The following DNM1 variants were observed in gnomAD, a reference collection of about 807,000 sequenced individuals.
DNM1 encodes dynamin-1.
DNM1 carries 29 observed loss-of-function variants against 104.6 expected under a neutral mutation model. The ratio of observed to expected loss-of-function variants is 0.28; its 90% CI spans 0.21 to 0.38. The LOEUF (loss-of-function observed/expected upper bound fraction) is 0.38, where lower values mean the gene tolerates loss of function less well. DNM1 is among the 10% of genes least tolerant of loss of function. DNM1 has a pLI of 1.00. For synonymous variants in DNM1, 445 were observed against 475.8 expected, an observed-to-expected ratio of 0.94 and a Z score of 0.84; for missense variants, 640 against 1,189.4, an observed-to-expected ratio of 0.54 and a Z score of 6.79.
rs1256508619 is a variant in DNM1 at position 128,244,122 on chromosome 9, A to G, written c.1671+1777A>G. Among the ~76,000 whole-genome samples the G allele has an allele frequency of 2.7e-5, 4 of 146,056 alleles. No individual in the cohort carries two copies. In the East Asian group the frequency reaches 6.0e-4, roughly 22 times the overall value. ...GGGCACCTGCCTGTGCTTGGGGTGT[A>G]AAAGCAGGTGTGTGTGGGGAGGGGG... On this transcript the variant is annotated intron_variant, in intron 15 of 21. Transcript: ENST00000372923.
chr9:128,247,914 G>A lies in DNM1; in HGVS notation c.1894-10G>A, dbSNP rs1836927732. The A allele has an allele frequency of 6.2e-7, 1 of 1,613,404 alleles. No individual in the cohort carries two copies. Among genetic ancestry groups the A allele is most frequent in the Admixed American group, 1.7e-5 (1 of 59,946 alleles). ...GCGGCGGTGGCAATGTTGGTGTGTG[G>A]GCCTCCCAGGACAAAGAGAAAGTGA... On this transcript the variant is annotated splice_polypyrimidine_tract_variant and intron_variant, in intron 17 of 21. Transcript: ENST00000372923. This position sits in a 1 kb window ranked among gnomAD's most constrained non-coding sequence, Gnocchi z 5.1.
intron 10 of DNM1, among the ~76,000 whole-genome samples, chr9:128,230,496 G>A (rs1203732102): frequency 6.6e-6 from 1 of 150,558 alleles, no homozygotes; most frequent in African/African-American, 2.4e-5. Flanking sequence ...TGTTGCCCAG[G>A]CTGGAGTGCA....
intron 10 of DNM1, among the ~76,000 whole-genome samples, chr9:128,230,885 C>T (rs1366579565): frequency 1.3e-5 from 2 of 152,152 alleles, no homozygotes; most frequent in African/African-American, 4.8e-5. Context: ...TCACTGCAAC[C>T]TCTGCCTCCT....
rs903325726 is a variant in DNM1 at position 128,242,140 on chromosome 9, GGT to G, written c.1558-90_1558-89del. ...CCAGGCCTCAGAGAGCTGGGAGAGGGGTGGGGTTTCGAATGCCTCTCTTTGCC... is the reference window on the plus strand; with the variant it reads ...CCAGGCCTCAGAGAGCTGGGAGAGGGGGGGTTTCGAATGCCTCTCTTTGCC... On this transcript the variant is annotated intron_variant, in intron 14 of 21. Transcript: ENST00000372923. The G allele has an allele frequency of 4.0e-6, 3 of 742,194 alleles. No individual in the cohort carries two copies. In the African/African-American group the frequency reaches 5.2e-5, roughly 13 times the overall value. 46.0% of individuals were successfully genotyped at this position (742,194 alleles called of 1,614,324 possible).
chr9:128,246,050 C>T (rs933195335), intron 15 of DNM1, among the ~76,000 whole-genome samples: 3 of 152,184 alleles, frequency 2.0e-5, no homozygotes, highest in Non-Finnish European at 4.4e-5. Context: ...GCGGCCAGGC[C>T]GGGGGTGAGA....
rs541942261 is a variant in DNM1 at position 128,203,723 on chromosome 9, C to A, written c.161+92C>A. 1 of 1,212,444 alleles carries A rather than the reference C, an allele frequency of 8.2e-7. No homozygotes were observed. The highest frequency in any genetic ancestry group is 1.0e-6 in the Non-Finnish European group (1 of 958,960). 75.1% of individuals were successfully genotyped at this position (1,212,444 alleles called of 1,614,324 possible). A position where few individuals can be genotyped will look rare whatever the true frequency, so the allele number is the denominator to read the frequency against. On this transcript the variant is annotated intron_variant, in intron 1 of 21. Transcript: ENST00000372923. The surrounding 1 kb of genome is among the most constrained non-coding windows in gnomAD (Gnocchi z 5.3). The stretch of plus-strand genomic sequence containing the variant: ...CACTGACGGCGCGGCGACCTCGCAG[C>A]CCCCGACGCTGCACCCGCGGCCGGC...
chr9:128,252,954 G>A, intron 21 of DNM1: 2 of 764,436 alleles, frequency 2.6e-6, no homozygotes, highest in Non-Finnish European at 4.6e-6. Context: ...TTGTTTGTGG[G>A]CATGTGTGTT....
chr9:128,246,051 G>C (rs572533932), intron 15 of DNM1, among the ~76,000 whole-genome samples: 4 of 152,218 alleles, frequency 2.6e-5, no homozygotes, highest in African/African-American at 9.6e-5. Flanking sequence ...CGGCCAGGCC[G>C]GGGGTGAGAG....
intron 9 of DNM1, chr9:128,223,246 G>A (rs3003610): frequency 0.46 from 97,277 of 211,590 alleles, 26,155 homozygotes; most frequent in Admixed American, 0.61. Flanking sequence ...TTTTATGACG[G>A]CCGGGGACTT....
Position 128,222,709 on chromosome 9 carries a change from C to G in DNM1, c.1129-84C>G, listed in dbSNP as rs887270109. 1 of 1,601,126 alleles carries G rather than the reference C, an allele frequency of 6.2e-7. No homozygotes were observed. The highest frequency in any genetic ancestry group is 1.7e-5 in the Admixed American group (1 of 59,718). On this transcript the variant is annotated intron_variant, in intron 8 of 21. Transcript: ENST00000372923. The surrounding 1 kb of genome is among the most constrained non-coding windows in gnomAD (Gnocchi z 7.8). ...CCACCCCACAGGCCCTGATGCCCAGCCCTAGGTGTGGGGTGGGCCCTGTCT... is the reference window on the plus strand; with the variant it reads ...CCACCCCACAGGCCCTGATGCCCAGGCCTAGGTGTGGGGTGGGCCCTGTCT...
Position 128,254,596 on chromosome 9 carries a change from C to T in DNM1, c.2535-58C>T. ...CCGGCCGTGTGCTGCGCTTGCCTTA[C>T]CAGCTCTCTCCTCGCTTTTCTCTCC... On this transcript the variant is annotated intron_variant, in intron 21 of 21. Coordinates refer to ENST00000372923, the MANE Select transcript of DNM1 (RefSeq NM_004408.4). The surrounding 1 kb of genome is among the most constrained non-coding windows in gnomAD (Gnocchi z 6.1). 1 of 1,501,560 alleles carries T rather than the reference C, an allele frequency of 6.7e-7. No individual in the cohort carries two copies. The highest frequency in any genetic ancestry group is 8.9e-7 in the Non-Finnish European group (1 of 1,121,162). 93.0% of individuals were successfully genotyped at this position (1,501,560 alleles called of 1,614,324 possible).
intron 11 of DNM1, among the ~76,000 whole-genome samples, chr9:128,236,579 A>T (rs996038746): frequency 1.3e-5 from 2 of 152,088 alleles, no homozygotes; most frequent in African/African-American, 4.8e-5. Flanking sequence ...GGCTCCACAC[A>T]GTGGCTTATA....
At chr9:128,208,480 G>T (rs532168313) in intron 1 of DNM1, among the ~76,000 whole-genome samples, 65 of 152,282 alleles carry the variant, frequency 4.3e-4, no homozygotes, top group African/African-American at 1.6e-3. Flanking sequence ...ATTAAGCTCT[G>T]TCTCTTCCTC....
chr9:128,252,726 T>A (rs768973108), intron 21 of DNM1: 1 of 526,094 alleles, frequency 1.9e-6, no homozygotes, highest in Non-Finnish European at 3.7e-6. Context: ...CCTATCTCCA[T>A]GAGCAGCACG....
Position 128,222,941 on chromosome 9 carries a change from G to A in DNM1, c.1196+81G>A, listed in dbSNP as rs2131175545. On this transcript the variant is annotated intron_variant, in intron 9 of 21. Transcript: ENST00000372923. The surrounding 1 kb of genome is among the most constrained non-coding windows in gnomAD (Gnocchi z 7.8). ...AGAGGCACAGGGAGTGATGAAGTGG[G>A]CCTCCCTCAGGAAGGACTGAAAGCT... 1 of 1,357,460 alleles carries A rather than the reference G, an allele frequency of 7.4e-7. No homozygotes were observed. The highest frequency in any genetic ancestry group is 1.0e-6 in the Non-Finnish European group (1 of 954,774). 84.1% of individuals were successfully genotyped at this position (1,357,460 alleles called of 1,614,324 possible).
At chr9:128,205,190 C>CCCA (rs1833856100) in intron 1 of DNM1, among the ~76,000 whole-genome samples, 1 of 152,184 alleles carries the variant, frequency 6.6e-6, no homozygotes, top group Admixed American at 6.5e-5. Context: ...GGGCCCCTTC[C>CCCA]CCAAGGGCCA....
intron 11 of DNM1, chr9:128,235,044 C>G (rs1332914404): frequency 6.6e-6 from 1 of 151,966 alleles, no homozygotes; most frequent in Non-Finnish European, 1.5e-5. Context: ...CCACCCGCCT[C>G]GGCCTCCCAA....
In DNM1 at chr9:128,253,745, G is replaced by C; in HGVS notation, c.2535-909G>C. The C allele has an allele frequency of 2.7e-6, 1 of 366,502 alleles. No individual in the cohort carries two copies. The highest frequency in any genetic ancestry group is 4.7e-6 in the Non-Finnish European group (1 of 211,026). 22.7% of individuals were successfully genotyped at this position (366,502 alleles called of 1,614,324 possible). A position where few individuals can be genotyped will look rare whatever the true frequency, so the allele number is the denominator to read the frequency against. On this transcript the variant is annotated intron_variant, in intron 21 of 21. Transcript: ENST00000372923. The surrounding 1 kb of genome is among the most constrained non-coding windows in gnomAD (Gnocchi z 5.9). ...CGGTCATCCCACGACATACCTCACA[G>C]GCCAGGCAGGGACACACAGCCCCCT... is the stretch of plus-strand genomic sequence containing the variant.
rs1488573588 is a variant in DNM1, at chr9:128,213,378, T to A, written c.162-4853T>A. ...ATTACAGGAGTGAGCCACCGCACCT[T>A]GTCATTTTCTGAATCTTTTAAAATG... On this transcript the variant is annotated intron_variant, in intron 1 of 21. Transcript: ENST00000372923. Among the ~76,000 whole-genome samples the A allele has an allele frequency of 1.3e-5, 2 of 152,068 alleles. 1 individual carries two copies. Among genetic ancestry groups the A allele is most frequent in the Admixed American group, 1.3e-4 (2 of 15,256 alleles).
Sources: gnomAD v4.1 joint callset for allele counts (sites outside exome capture counted in the v4.1 genomes callset) on GRCh38, gnomAD v4.1.1 for gene constraint, Gnocchi (gnomAD v3.1) non-coding constraint, MANE v1.5 for transcripts, NCBI Gene and HGNC (gene_info 2026-07-23, HGNC 2026-07-21) for gene names.